TNIK: variants seen among roughly 807,000 people sequenced by gnomAD.
The protein encoded by TNIK is TRAF2 and NCK-interacting protein kinase.
A neutral mutation model predicts 191.3 loss-of-function variants in TNIK; 49 were observed. That is an observed-to-expected ratio of 0.26 (90% confidence interval 0.20 to 0.32). The LOEUF (loss-of-function observed/expected upper bound fraction) is 0.32. TNIK is among the 10% of genes least tolerant of loss of function. The pLI, the probability that TNIK is intolerant of heterozygous loss-of-function variation, is 1.00. For missense variants in TNIK, 1,155 were observed against 1,702.3 expected (o/e 0.68, Z 5.66); for synonymous variants, 594 against 600.9 (o/e 0.99, Z 0.17).
At chr3:171,116,338 G>A (rs1726691754) in intron 18 of TNIK, among the ~76,000 whole-genome samples, 1 of 152,218 alleles carries the variant, frequency 6.6e-6, no homozygotes, top group African/African-American at 2.4e-5. Flanking sequence ...AGATCCGAAT[G>A]TGTAAAAACC....
At chr3:171,427,788 TA>T (rs926383061) in intron 1 of TNIK, among the ~76,000 whole-genome samples, 1 of 152,142 alleles carries the variant, frequency 6.6e-6, no homozygotes, top group Non-Finnish European at 1.5e-5. Context: ...AGGAATAAAA[TA>T]CTTAAGTCAG....
Position 171,084,120 on chromosome 3 carries a change from A to G in TNIK, c.3169+35T>C, listed in dbSNP as rs746181356. On this transcript the variant is annotated intron_variant, in intron 26 of 32. Transcript: ENST00000436636. ...AGGGTCAGTTCATTAATGAGTGGTT[A>G]TTTAAAAAAAAAAAAAAAAAAAGCA... is the stretch of plus-strand genomic sequence containing the variant. 2.0e-5 allele frequency: 30 copies of G among 1,465,854 alleles called. No individual in the cohort carries two copies. In the East Asian group the frequency reaches 6.7e-4, roughly 33 times the overall value. 90.8% of individuals were successfully genotyped at this position (1,465,854 alleles called of 1,614,324 possible).
intron 4 of TNIK, among the ~76,000 whole-genome samples, chr3:171,209,403 T>G (rs1484950559): frequency 1.3e-5 from 2 of 152,170 alleles, no homozygotes; most frequent in African/African-American, 4.8e-5. Flanking sequence ...CTAAATTCTT[T>G]GCTCATTATA....
intron 1 of TNIK, among the ~76,000 whole-genome samples, chr3:171,372,812 C>T (rs1383262160): frequency 6.6e-6 from 1 of 152,206 alleles, no homozygotes; most frequent in Non-Finnish European, 1.5e-5. Flanking sequence ...ACATACACTA[C>T]AAGCACCATG....
intron 4 of TNIK, among the ~76,000 whole-genome samples, chr3:171,206,255 G>A (rs1349136880): frequency 1.3e-5 from 2 of 149,938 alleles, no homozygotes; most frequent in African/African-American, 2.4e-5. Flanking sequence ...GTATATATAT[G>A]ATGATATGAT....
intron 7 of TNIK, among the ~76,000 whole-genome samples, chr3:171,178,186 A>C (rs1360885258): frequency 6.6e-6 from 1 of 152,160 alleles, no homozygotes; most frequent in African/African-American, 2.4e-5. Flanking sequence ...TATTTCTTTT[A>C]GTTAAATACC....
chr3:171,259,474 G>A (rs1472482610), intron 2 of TNIK, among the ~76,000 whole-genome samples: 1 of 152,152 alleles, frequency 6.6e-6, no homozygotes, highest in Non-Finnish European at 1.5e-5. Context: ...GAAGATATGA[G>A]GAGCCTCTAA....
At chr3:171,350,637 C>CCTGTAACT (rs1713016048) in intron 2 of TNIK, among the ~76,000 whole-genome samples, 1 of 146,072 alleles carries the variant, frequency 6.8e-6, no homozygotes, top group South Asian at 2.2e-4. Flanking sequence ...GAAACTCAAT[C>CCTGTAACT]CTGTAACTGA....
intron 2 of TNIK, among the ~76,000 whole-genome samples, chr3:171,278,546 G>A (rs1750048757): frequency 6.6e-6 from 1 of 152,174 alleles, no homozygotes; most frequent in South Asian, 2.1e-4. Context: ...TGAATGCCAT[G>A]ACCTTGGTCT....
chr3:171,122,531 A>G (rs891992519), intron 18 of TNIK, among the ~76,000 whole-genome samples: 1 of 152,248 alleles, frequency 6.6e-6, no homozygotes, highest in Non-Finnish European at 1.5e-5. Flanking sequence ...TTTGCCCTAA[A>G]GGAATTCATG....
At chr3:171,140,089 C>G (rs2108632205) in intron 13 of TNIK, among the ~76,000 whole-genome samples, 1 of 152,296 alleles carries the variant, frequency 6.6e-6, no homozygotes, top group South Asian at 2.1e-4. Flanking sequence ...TCTTCTGAAG[C>G]AGTGAAAGAG....
At chr3:171,386,170 A>G (rs80343239) in intron 1 of TNIK, among the ~76,000 whole-genome samples, 2 of 152,348 alleles carry the variant, frequency 1.3e-5, no homozygotes, top group East Asian at 3.9e-4. Flanking sequence ...ATCAACAACA[A>G]GAAAATATTT....
intron 32 of TNIK, among the ~76,000 whole-genome samples, chr3:171,065,842 A>G (rs994766567): frequency 4.6e-5 from 7 of 152,240 alleles, no homozygotes; most frequent in Admixed American, 3.9e-4. Flanking sequence ...AAAGTCTAAA[A>G]GTGGAAGTAT....
At chr3:171,360,493 C>T (rs1714813596) in intron 2 of TNIK, among the ~76,000 whole-genome samples, 1 of 152,270 alleles carries the variant, frequency 6.6e-6, no homozygotes, top group South Asian at 2.1e-4. Context: ...ACTCTGGAGA[C>T]CCTCTAGCCA....
chr3:171,137,345 ACAAAATAACTC>A (rs1481565113), intron 15 of TNIK, among the ~76,000 whole-genome samples: 1 of 152,030 alleles, frequency 6.6e-6, no homozygotes, highest in East Asian at 1.9e-4. Context: ...AGATAAAAAT[ACAAAATAACTC>A]CAAAACATCC....
chr3:171,330,642 T>C (rs1756308713), intron 2 of TNIK, among the ~76,000 whole-genome samples: 1 of 152,148 alleles, frequency 6.6e-6, no homozygotes, highest in Admixed American at 6.5e-5. Flanking sequence ...TGTTGGGGGA[T>C]TCTTAACCAG....
At chr3:171,274,422 A>G (rs1304144925) in intron 2 of TNIK, among the ~76,000 whole-genome samples, 3 of 152,220 alleles carry the variant, frequency 2.0e-5, no homozygotes, top group Non-Finnish European at 2.9e-5. Flanking sequence ...AGCAACTCAT[A>G]GCTACTGGCT....
At chr3:171,426,107 T>G (rs1173746436) in intron 1 of TNIK, among the ~76,000 whole-genome samples, 4 of 152,016 alleles carry the variant, frequency 2.6e-5, no homozygotes, top group African/African-American at 7.3e-5. Flanking sequence ...CATGCACACA[T>G]ATGTTTACTG....
intron 16 of TNIK, among the ~76,000 whole-genome samples, chr3:171,126,855 G>A (rs539800832): frequency 6.6e-6 from 1 of 152,248 alleles, no homozygotes. Context: ...AACTGGGCAT[G>A]TGGTGATACT....
Sources: allele counts gnomAD v4.1 joint callset (sites outside exome capture counted in the v4.1 genomes callset), GRCh38; gene constraint gnomAD v4.1.1; transcripts MANE v1.5; gene names NCBI Gene and HGNC (gene_info 2026-07-23, HGNC 2026-07-21).